The following CTNND2 variants were observed in gnomAD, a reference collection of about 807,000 sequenced individuals.
CTNND2 encodes catenin delta 2, also known as catenin delta-2.
In CTNND2, 22 loss-of-function variants were observed where a neutral mutation model predicts 144.4. That is an observed-to-expected ratio of 0.15 (90% CI 0.11 to 0.22). CTNND2 has a LOEUF of 0.22. CTNND2 is among the 10% of genes least tolerant of loss of function. The pLI, the probability that CTNND2 is intolerant of heterozygous loss-of-function variation, is 1.00. For synonymous variants in CTNND2, 751 were observed against 695.6 expected (o/e 1.08, Z -1.25); for missense variants, 1,353 against 1,618.8 (o/e 0.84, Z 2.82).
At chr5:11,240,867 C>A (rs890878518) in intron 9 of CTNND2, among the ~76,000 whole-genome samples, 3 of 142,534 alleles carry the variant, frequency 2.1e-5, no homozygotes, top group Non-Finnish European at 4.6e-5. Context: ...ACACTCAGCA[C>A]ACACACCCCA....
intron 14 of CTNND2, among the ~76,000 whole-genome samples, chr5:11,104,620 GC>G (rs982180576): frequency 6.6e-6 from 1 of 152,162 alleles, no homozygotes; most frequent in Non-Finnish European, 1.5e-5. Flanking sequence ...TAAAAAGCCA[GC>G]GAGAAATGAT....
intron 1 of CTNND2, among the ~76,000 whole-genome samples, chr5:11,893,040 G>A (rs368595861): frequency 5.9e-5 from 9 of 152,278 alleles, no homozygotes; most frequent in African/African-American, 1.7e-4. Flanking sequence ...TCCCACTTGC[G>A]GCTCTGCACC....
intron 2 of CTNND2, among the ~76,000 whole-genome samples, chr5:11,583,952 T>C (rs1778633018): frequency 6.6e-6 from 1 of 152,242 alleles, no homozygotes; most frequent in South Asian, 2.1e-4. Flanking sequence ...TCTCCCTTTT[T>C]AATTCTTTTT....
At chr5:11,018,998 T>C (rs886499684) in intron 17 of CTNND2, among the ~76,000 whole-genome samples, 2 of 152,178 alleles carry the variant, frequency 1.3e-5, no homozygotes, top group Admixed American at 6.5e-5. Context: ...TGATCCACCG[T>C]GCCCAGCCAA....
chr5:11,105,871 G>A (rs935536390), intron 14 of CTNND2, among the ~76,000 whole-genome samples: 1 of 152,172 alleles, frequency 6.6e-6, no homozygotes, highest in African/African-American at 2.4e-5. Flanking sequence ...TGAAGGCCGA[G>A]GGAGACTGTA....
chr5:11,595,839 T>C (rs1005970855), intron 2 of CTNND2, among the ~76,000 whole-genome samples: 2 of 152,182 alleles, frequency 1.3e-5, no homozygotes, highest in East Asian at 1.9e-4. Context: ...GAACACACTT[T>C]TTAAAACACA....
chr5:11,782,376 C>CTA (rs1790587482), intron 1 of CTNND2, among the ~76,000 whole-genome samples: 1 of 147,702 alleles, frequency 6.8e-6, no homozygotes, highest in East Asian at 2.0e-4. Context: ...TGTAAACTTA[C>CTA]TACGTTTGAA....
chr5:10,986,420 A>C (rs918759007), intron 20 of CTNND2, among the ~76,000 whole-genome samples: 17 of 152,218 alleles, frequency 1.1e-4, no homozygotes, highest in African/African-American at 4.1e-4. Context: ...GTATCATCCC[A>C]GACAGCTGGT....
intron 1 of CTNND2, among the ~76,000 whole-genome samples, chr5:11,805,192 C>T (rs1791924536): frequency 6.6e-6 from 1 of 152,028 alleles, no homozygotes; most frequent in Admixed American, 6.6e-5. Flanking sequence ...ACAGAATGAT[C>T]CAGGAGGTAA....
intron 12 of CTNND2, among the ~76,000 whole-genome samples, chr5:11,118,062 T>A (rs1753741802): frequency 2.0e-5 from 3 of 152,266 alleles, no homozygotes. Flanking sequence ...TAGAGGTTTC[T>A]GTGACAATTT....
intron 1 of CTNND2, among the ~76,000 whole-genome samples, chr5:11,815,586 A>G (rs920546101): frequency 1.3e-5 from 2 of 152,218 alleles, no homozygotes; most frequent in Non-Finnish European, 2.9e-5. Flanking sequence ...TCTATTAAGT[A>G]GTAACTACTA....
At chr5:11,858,941 A>G (rs564041526) in intron 1 of CTNND2, among the ~76,000 whole-genome samples, 3 of 151,882 alleles carry the variant, frequency 2.0e-5, no homozygotes, top group East Asian at 4.2e-4. Context: ...AAAAAGAGTA[A>G]GTAAGAATAA....
At chr5:11,741,658 T>C (rs781071069) in intron 1 of CTNND2, among the ~76,000 whole-genome samples, 7 of 151,834 alleles carry the variant, frequency 4.6e-5, no homozygotes, top group Non-Finnish European at 1.0e-4. Context: ...ACATGGCACA[T>C]GTATACTTAC....
chr5:11,741,864 T>G (rs540826224), intron 1 of CTNND2, among the ~76,000 whole-genome samples: 1 of 150,080 alleles, frequency 6.7e-6, no homozygotes, highest in East Asian at 1.9e-4. Context: ...GGAATACTAC[T>G]CAGCCATAAA....
intron 2 of CTNND2, among the ~76,000 whole-genome samples, chr5:11,662,107 ATG>A (rs1158481635): frequency 1.6e-3 from 242 of 146,972 alleles, no homozygotes; most frequent in African/African-American, 2.7e-3. Flanking sequence ...ACACATATTT[ATG>A]TGTGTGTGTA....
chr5:11,468,309 CA>C lies in CTNND2; in HGVS notation c.288-56241del, dbSNP rs1350068946. ...GCCAATGGAGATGAAAGCAAGAGGA[CA>C]AAAGTGACTTTTAAAAATTTGTAAT... On this transcript the variant is annotated intron_variant, in intron 3 of 21. Coordinates refer to ENST00000304623, the MANE Select transcript of CTNND2 (RefSeq NM_001332.4). Among the ~76,000 whole-genome samples, 10 of 152,236 alleles carry C rather than the reference CA, an allele frequency of 6.6e-5. No homozygotes were observed. The East Asian group carries it at 1.7e-3, about 26-fold the overall frequency.
At chr5:11,589,093 T>TA (rs751846685) in intron 2 of CTNND2, 34 of 941,432 alleles carry the variant, frequency 3.6e-5, no homozygotes, top group Non-Finnish European at 4.2e-5. Context: ...GAGAAAAGAA[T>TA]AGAGTTCAGC....
intron 18 of CTNND2, among the ~76,000 whole-genome samples, chr5:11,008,553 T>G (rs1188769210): frequency 6.6e-6 from 1 of 152,176 alleles, no homozygotes; most frequent in Non-Finnish European, 1.5e-5. Context: ...GATAAGGTAG[T>G]ATGCCAGGAT....
chr5:11,581,163 C>A (rs912063139), intron 2 of CTNND2, among the ~76,000 whole-genome samples: 1 of 151,870 alleles, frequency 6.6e-6, no homozygotes, highest in Non-Finnish European at 1.5e-5. Context: ...TTTTTCTGAA[C>A]CCCTGTCAAA....
Sources: allele counts gnomAD v4.1 joint callset (sites outside exome capture counted in the v4.1 genomes callset), GRCh38; gene constraint gnomAD v4.1.1; transcripts MANE v1.5; gene names NCBI Gene and HGNC (gene_info 2026-07-23, HGNC 2026-07-21).